The following MAN2A1 variants were observed in gnomAD, a reference collection of about 807,000 sequenced individuals.
The protein encoded by MAN2A1 is alpha-mannosidase 2.
In MAN2A1, 76 loss-of-function variants were observed where a neutral mutation model predicts 142.6. The ratio of observed to expected loss-of-function variants is 0.53; its 90% CI spans 0.44 to 0.65. The LOEUF is 0.65. MAN2A1 is among the 30% of genes least tolerant of loss of function. The probability of loss-of-function intolerance (pLI) is 0.00; values close to 1 mark genes in which losing one functional copy is unlikely to be tolerated. For missense variants in MAN2A1, 1,311 were observed against 1,365.1 expected (o/e 0.96, Z 0.62); for synonymous variants, 559 against 473.2 (o/e 1.18, Z -2.35).
chr5:109,842,485 A>G, intron 17 of MAN2A1, 24 bp downstream of exon 17: 1 of 1,484,910 alleles, frequency 6.7e-7, no homozygotes, highest in Non-Finnish European at 9.2e-7. Context: ...TAAAATGTTT[A>G]AGTAATGGTT....
intron 16 of MAN2A1, among the ~76,000 whole-genome samples, chr5:109,836,907 C>A (rs1167121269): frequency 6.6e-6 from 1 of 151,816 alleles, no homozygotes; most frequent in African/African-American, 2.4e-5. Context: ...GTGTTTGTGT[C>A]GATTTTCAGC....
chr5:109,822,929 G>A (rs934500802), intron 15 of MAN2A1, among the ~76,000 whole-genome samples: 28 of 152,200 alleles, frequency 1.8e-4, no homozygotes, highest in African/African-American at 4.6e-4. Context: ...CGCCCACCTC[G>A]GCCTCCCAAA....
intron 1 of MAN2A1, among the ~76,000 whole-genome samples, chr5:109,711,780 T>C (rs1751308386): frequency 6.6e-6 from 1 of 152,208 alleles, no homozygotes; most frequent in African/African-American, 2.4e-5. Context: ...ATGGGACCTG[T>C]GCTAAAACTT....
intron 1 of MAN2A1, among the ~76,000 whole-genome samples, chr5:109,691,450 CT>C (rs1360726862): frequency 6.6e-6 from 1 of 152,160 alleles, no homozygotes; most frequent in African/African-American, 2.4e-5. Context: ...ACGAATGAAC[CT>C]GAAGAACTCA....
Position 109,781,602 on chromosome 5 carries a change from C to G in MAN2A1, c.1577+4C>G. ...GAATCATGGAATCTCATTTAAGGTACTTTTACCTTTCTATAGCTACATGTA... is the reference window on the plus strand; with the variant it reads ...GAATCATGGAATCTCATTTAAGGTAGTTTTACCTTTCTATAGCTACATGTA... On this transcript the variant is annotated splice_donor_region_variant and intron_variant, in intron 9 of 21. Coordinates refer to ENST00000261483, the MANE Select transcript of MAN2A1 (RefSeq NM_002372.4). 23 of 1,569,370 alleles carry G rather than the reference C, an allele frequency of 1.5e-5. No homozygotes were observed. Among genetic ancestry groups the G allele is most frequent in the Non-Finnish European group, 2.0e-5 (23 of 1,160,268 alleles).
At position 109,837,973 on chromosome 5, in the gene MAN2A1, ACC is replaced by A. The variant is rs199861854; in HGVS notation, c.2567-4352_2567-4351del. On this transcript the variant is annotated intron_variant, in intron 16 of 21. Coordinates refer to ENST00000261483, the MANE Select transcript of MAN2A1 (RefSeq NM_002372.4). The stretch of plus-strand genomic sequence containing the variant: ...AACAGTGATTCAGTACTTACCATGT[ACC>A]CCAAATGTTGTTAAGAACTGGAATG... Among the ~76,000 whole-genome samples the A allele has an allele frequency of 5.0e-3, 761 of 152,074 alleles. 8 individuals are homozygous for A. The highest frequency in any genetic ancestry group is 0.017 in the African/African-American group (721 of 41,486).
chr5:109,830,756 G>C (rs1754885877), intron 16 of MAN2A1, among the ~76,000 whole-genome samples: 1 of 152,144 alleles, frequency 6.6e-6, no homozygotes, highest in South Asian at 2.1e-4. Flanking sequence ...TGACTGCTAA[G>C]GATTTTTTTC....
intron 20 of MAN2A1, among the ~76,000 whole-genome samples, chr5:109,857,516 T>C (rs1373624261): frequency 6.6e-6 from 1 of 152,142 alleles, no homozygotes; most frequent in Non-Finnish European, 1.5e-5. Context: ...TCACCATCCC[T>C]TAGCCTCACT....
chr5:109,708,433 A>T (rs553632729), intron 1 of MAN2A1, among the ~76,000 whole-genome samples: 75 of 150,454 alleles, frequency 5.0e-4, no homozygotes, highest in African/African-American at 1.4e-3. Context: ...CGGTACATGA[A>T]GTGGGTGGGG....
intron 15 of MAN2A1, 127 bp downstream of exon 15, chr5:109,820,469 C>A: frequency 1.1e-6 from 1 of 938,804 alleles, no homozygotes; most frequent in Non-Finnish European, 1.6e-6. Flanking sequence ...CTTTTGGTTG[C>A]AGTATTATCT....
At chr5:109,742,447 C>A (rs1231148274) in intron 4 of MAN2A1, among the ~76,000 whole-genome samples, 1 of 152,166 alleles carries the variant, frequency 6.6e-6, no homozygotes, top group South Asian at 2.1e-4. Context: ...TATCTTCTTA[C>A]AATTTTTCCC....
At chr5:109,758,822 T>G (rs1284082332) in intron 5 of MAN2A1, among the ~76,000 whole-genome samples, 3 of 151,848 alleles carry the variant, frequency 2.0e-5, no homozygotes, top group Non-Finnish European at 4.4e-5. Context: ...TGATACCCAG[T>G]TATTCCAATG....
At chr5:109,855,917 G>A (rs935929380) in intron 20 of MAN2A1, among the ~76,000 whole-genome samples, 1 of 152,154 alleles carries the variant, frequency 6.6e-6, no homozygotes, top group Non-Finnish European at 1.5e-5. Flanking sequence ...GTTCTTATGT[G>A]TTGCAAAGCT....
rs372099916 is a variant in MAN2A1, at chr5:109,720,913, G to A, written c.535+4649G>A. Among the ~76,000 whole-genome samples, 3 of 152,138 alleles carry A rather than the reference G, an allele frequency of 2.0e-5. No homozygotes were observed. In the East Asian group the frequency reaches 5.8e-4, roughly 29 times the overall value. On this transcript the variant is annotated intron_variant, in intron 3 of 21. Transcript: ENST00000261483. The stretch of plus-strand genomic sequence containing the variant: ...ACACTGTTTGGAGAGTACTTTATTT[G>A]GTTTAGCTACTGCAGGATAAAGTGG...
chr5:109,815,523 G>T (rs576990206), intron 12 of MAN2A1, among the ~76,000 whole-genome samples: 1 of 152,212 alleles, frequency 6.6e-6, no homozygotes, highest in East Asian at 1.9e-4. Flanking sequence ...AGCCTAATAG[G>T]AATTAGAGAC....
intron 3 of MAN2A1, among the ~76,000 whole-genome samples, chr5:109,717,955 A>T (rs1352528024): frequency 6.6e-6 from 1 of 152,172 alleles, no homozygotes. Flanking sequence ...CTAGACTCAC[A>T]CTCAGTGAGG....
At chr5:109,750,183 CT>C (rs1161728128) in intron 4 of MAN2A1, among the ~76,000 whole-genome samples, 3 of 151,948 alleles carry the variant, frequency 2.0e-5, no homozygotes, top group Middle Eastern at 3.4e-3. Flanking sequence ...GGGACTATTT[CT>C]TGTTTTTCTT....
At chr5:109,700,298 T>G (rs62772061) in intron 1 of MAN2A1, among the ~76,000 whole-genome samples, 1 of 125,498 alleles carries the variant, frequency 8.0e-6, no homozygotes, top group African/African-American at 3.2e-5. Context: ...TTTTTTTTTT[T>G]GGTCGTTCAC....
At chr5:109,829,890 C>T (rs1289681533) in intron 16 of MAN2A1, among the ~76,000 whole-genome samples, 1 of 152,016 alleles carries the variant, frequency 6.6e-6, no homozygotes, top group African/African-American at 2.4e-5. Context: ...TACATTGTCC[C>T]ATCCCTTCTT....
Sources: allele counts gnomAD v4.1 joint callset (sites outside exome capture counted in the v4.1 genomes callset), GRCh38; gene constraint gnomAD v4.1.1; transcripts MANE v1.5; gene names NCBI Gene and HGNC (gene_info 2026-07-23, HGNC 2026-07-21).